The following CUX1 variants were observed in gnomAD, a reference collection of about 807,000 sequenced individuals.
CUX1 encodes cut like homeobox 1.
CUX1 carries 31 observed loss-of-function variants against 158.8 expected under a neutral mutation model. That is an observed-to-expected ratio of 0.20 (90% CI 0.15 to 0.26). CUX1 has a LOEUF of 0.26. Ranked by LOEUF, CUX1 falls within the 10% of genes least tolerant of loss-of-function variation. The pLI, the probability that CUX1 is intolerant of heterozygous loss-of-function variation, is 1.00. For synonymous variants in CUX1, 879 were observed against 862.1 expected (o/e 1.02, Z -0.34); for missense variants, 1,589 against 2,014.6 (o/e 0.79, Z 4.04).
chr7:102,182,479 G>T (rs1011442400), intron 11 of CUX1, among the ~76,000 whole-genome samples: 2 of 152,166 alleles, frequency 1.3e-5, no homozygotes, highest in Admixed American at 1.3e-4. Flanking sequence ...ATACCAGACA[G>T]CTGCACATCT....
At chr7:101,821,505 A>AT (rs1438896977) in intron 1 of CUX1, among the ~76,000 whole-genome samples, 8 of 132,304 alleles carry the variant, frequency 6.0e-5, no homozygotes, top group East Asian at 2.4e-4. Context: ...GGCCTGGCTA[A>AT]TTTTTTGTAT....
At chr7:101,874,495 T>C (rs1044701000) in intron 1 of CUX1, among the ~76,000 whole-genome samples, 56 of 152,236 alleles carry the variant, frequency 3.7e-4, no homozygotes, top group African/African-American at 1.1e-3. Flanking sequence ...GACATATTTA[T>C]GGCGCATCGC....
At position 101,913,705 on chromosome 7, in the gene CUX1, C is replaced by T. The variant is rs147586783; in HGVS notation, c.31-2410C>T. On this transcript the variant is annotated intron_variant, in intron 1 of 23. Coordinates refer to ENST00000292535, the MANE Select transcript of CUX1 (RefSeq NM_181552.4). ...GGTAGATGCCCACCGATTGGGTAAC[C>T]GCCCCCAGCACCCCCACCCTGCTAG... 5.6e-3 allele frequency among the ~76,000 whole-genome samples: 852 copies of T among 152,222 alleles called. 15 individuals are homozygous for T. The highest frequency in any genetic ancestry group is 0.019 in the African/African-American group (807 of 41,522).
At chr7:101,927,147 AACACACAC>A (rs10584842) in intron 2 of CUX1, among the ~76,000 whole-genome samples, 16 of 149,488 alleles carry the variant, frequency 1.1e-4, no homozygotes, top group Admixed American at 3.3e-4. Context: ...CTGTCAACAC[AACACACAC>A]ACACACACAC....
At chr7:102,160,406 C>T (rs906049737) in intron 9 of CUX1, among the ~76,000 whole-genome samples, 2 of 152,068 alleles carry the variant, frequency 1.3e-5, no homozygotes, top group South Asian at 2.1e-4. Context: ...AACAGGTTCT[C>T]TGTGGTCTCA....
At chr7:102,062,190 A>G (rs1016434141) in intron 3 of CUX1, among the ~76,000 whole-genome samples, 4 of 152,220 alleles carry the variant, frequency 2.6e-5, no homozygotes, top group African/African-American at 9.6e-5. Context: ...TATGCCTGAC[A>G]TCACTGAGGA....
intron 3 of CUX1, among the ~76,000 whole-genome samples, chr7:102,055,210 A>T (rs1823993506): frequency 6.8e-6 from 1 of 147,340 alleles, no homozygotes; most frequent in African/African-American, 2.5e-5. Context: ...TTATAAATGG[A>T]TTTTTTTTTT....
intron 1 of CUX1, among the ~76,000 whole-genome samples, chr7:101,889,378 CA>C (rs1800608801): frequency 6.6e-6 from 1 of 152,004 alleles, no homozygotes; most frequent in African/African-American, 2.4e-5. Flanking sequence ...TCCAGGTGCA[CA>C]TTGGCCTTTG....
chr7:102,270,459 TC>T (rs1471412885), intron 14 of CUX1, among the ~76,000 whole-genome samples: 1 of 152,154 alleles, frequency 6.6e-6, no homozygotes, highest in Non-Finnish European at 1.5e-5. Flanking sequence ...CCAGATCCTG[TC>T]CCCTGCAGCC....
Position 102,178,600 on chromosome 7 carries a change from G to T in CUX1, c.960G>T (p.Ser320=). Residue 320 remains serine, a synonymous_variant, in exon 11 of 24, where the codon TCG becomes TCT. Transcript: ENST00000292535. ...QASLTKLREN[S]ASQISQLEQQ... ...GCCTCACCAAGCTGCGGGAGAATTC[G>T]GCCAGCCAGATCTCACAGCTTGAGC... 1 of 1,611,652 alleles carries T rather than the reference G, an allele frequency of 6.2e-7. No homozygotes were observed. The highest frequency in any genetic ancestry group is 8.5e-7 in the Non-Finnish European group (1 of 1,178,946).
intron 2 of CUX1, among the ~76,000 whole-genome samples, chr7:101,949,396 C>G (rs1051641302): frequency 2.1e-4 from 32 of 152,112 alleles, no homozygotes; most frequent in South Asian, 2.1e-4. Context: ...TCCCAAAATG[C>G]CGGGATTACA....
chr7:102,273,171 G>A (rs928030229), intron 14 of CUX1, among the ~76,000 whole-genome samples: 1 of 152,182 alleles, frequency 6.6e-6, no homozygotes, highest in African/African-American at 2.4e-5. Context: ...TGACAGTCAG[G>A]GAGGGCTTCC....
intron 2 of CUX1, among the ~76,000 whole-genome samples, chr7:101,984,868 T>C (rs930425374): frequency 3.9e-5 from 6 of 152,244 alleles, no homozygotes; most frequent in African/African-American, 1.4e-4. Flanking sequence ...TTAATTTTAT[T>C]ATATATTAAA....
In CUX1 at chr7:102,223,678, G is replaced by GA. The variant is rs1265935789; in HGVS notation, c.3131-3682dup. 3.9e-5 allele frequency among the ~76,000 whole-genome samples: 6 copies of GA among 152,018 alleles called. No homozygotes were observed. In the East Asian group the frequency reaches 9.7e-4, roughly 25 times the overall value. ...GCAATTAAAAATAATAATAAAAAAAGAAAAAAAGGGTCAGGCGCGGTGGCT... is the reference window on the plus strand; with the variant it reads ...GCAATTAAAAATAATAATAAAAAAAGAAAAAAAAGGGTCAGGCGCGGTGGCT... On this transcript the variant is annotated intron_variant, in intron 20 of 23. Coordinates refer to ENST00000292535, the MANE Select transcript of CUX1 (RefSeq NM_181552.4).
intron 2 of CUX1, among the ~76,000 whole-genome samples, chr7:101,965,663 C>A (rs923256208): frequency 6.6e-6 from 1 of 151,848 alleles, no homozygotes; most frequent in Non-Finnish European, 1.5e-5. Context: ...CTGGCTAACA[C>A]AGTGAAACCC....
intron 4 of CUX1, among the ~76,000 whole-genome samples, chr7:102,091,944 CAG>C (rs1215030782): frequency 6.6e-6 from 1 of 152,166 alleles, no homozygotes; most frequent in Non-Finnish European, 1.5e-5. Context: ...TTCCTGGGGA[CAG>C]AGTTTCACCG....
intron 3 of CUX1, among the ~76,000 whole-genome samples, chr7:102,063,696 A>C (rs1462128636): frequency 6.6e-6 from 1 of 152,156 alleles, no homozygotes; most frequent in African/African-American, 2.4e-5. Context: ...CCTTGTCAAG[A>C]ACCCTTTACA....
chr7:102,047,014 G>A (rs1822901633), intron 3 of CUX1, among the ~76,000 whole-genome samples: 2 of 152,138 alleles, frequency 1.3e-5, no homozygotes, highest in African/African-American at 4.8e-5. Flanking sequence ...TCATGACAGG[G>A]CTGTAACCCT....
chr7:102,202,654 G>C (rs749371124), intron 18 of CUX1, among the ~76,000 whole-genome samples: 22 of 152,182 alleles, frequency 1.4e-4, no homozygotes, highest in Non-Finnish European at 3.1e-4. Context: ...GGGACCACCA[G>C]TACGCAGAGA....
Sources: gnomAD v4.1 joint callset for allele counts (sites outside exome capture counted in the v4.1 genomes callset) on GRCh38, gnomAD v4.1.1 for gene constraint, MANE v1.5 for transcripts, NCBI Gene and HGNC (gene_info 2026-07-23, HGNC 2026-07-21) for gene names.